Variants in FHAD1 observed in about 807,000 individuals in gnomAD.
The protein encoded by FHAD1 is forkhead-associated domain-containing protein 1.
A neutral mutation model predicts 191.3 loss-of-function variants in FHAD1; 146 were observed. That is an observed-to-expected ratio of 0.76 (90% CI 0.67 to 0.88). The LOEUF is 0.88. FHAD1 is among the 40% of genes least tolerant of loss of function. The pLI is 0.00. For synonymous variants in FHAD1, 616 were observed against 672.3 expected, an observed-to-expected ratio of 0.92 and a Z score of 1.29; for missense variants, 1,635 against 1,785.8, an observed-to-expected ratio of 0.92 and a Z score of 1.52.
In FHAD1 at chr1:15,398,184, G is replaced by A. The variant is rs1157187762; in HGVS notation, c.*771G>A. 6.6e-6 allele frequency: 1 copy of A among 150,450 alleles called. No homozygotes were observed. The highest frequency in any genetic ancestry group is 1.5e-5 in the Non-Finnish European group (1 of 67,832). The allele number at this position is 150,450 out of a possible 1,614,324, so 9.3% of individuals were successfully genotyped here. On this transcript the variant is annotated 3_prime_UTR_variant, in exon 34 of 34. Transcript: ENST00000688493. ...CCCAGCTACTCGGGAGGCTGAGACA[G>A]GAGAATCACTTCAACCCGGGAGGTG...
chr1:15,393,118 A>T (rs1704670800), intron 33 of FHAD1: 1 of 133,020 alleles, frequency 7.5e-6, no homozygotes, highest in Non-Finnish European at 1.5e-5. Context: ...TCTATTGCCC[A>T]GGCTAGAGTG....
At chr1:15,328,628 C>T (rs1247603019) in intron 13 of FHAD1, 199 bp downstream of exon 13, 8 of 441,764 alleles carry the variant, frequency 1.8e-5, no homozygotes, top group African/African-American at 4.0e-5. Flanking sequence ...GAGAACTTGG[C>T]GTGTCCAAAA....
intron 32 of FHAD1, chr1:15,388,380 A>T: frequency 1.1e-6 from 1 of 948,362 alleles, no homozygotes; most frequent in South Asian, 3.0e-5. Context: ...TGAACGGATG[A>T]CCTAAGAGAC....
chr1:15,284,792 G>T (rs1451733840), intron 3 of FHAD1, among the ~76,000 whole-genome samples: 1 of 152,150 alleles, frequency 6.6e-6, no homozygotes, highest in Non-Finnish European at 1.5e-5. Context: ...CGTGGGTGTG[G>T]TCCAGGTGGT....
chr1:15,278,425 C>A (rs901450514), intron 3 of FHAD1, among the ~76,000 whole-genome samples: 2 of 150,188 alleles, frequency 1.3e-5, no homozygotes, highest in African/African-American at 2.5e-5. Context: ...ACTTAGTTAA[C>A]TGAGGAATAG....
At chr1:15,278,972 G>C (rs10927762) in intron 3 of FHAD1, among the ~76,000 whole-genome samples, 1 of 151,838 alleles carries the variant, frequency 6.6e-6, no homozygotes, top group Non-Finnish European at 1.5e-5. Context: ...TTTTCCCTGG[G>C]ATAACTTTTG....
At chr1:15,256,937 A>G (rs2100896124) in intron 2 of FHAD1, among the ~76,000 whole-genome samples, 1 of 152,308 alleles carries the variant, frequency 6.6e-6, no homozygotes. Flanking sequence ...TCTCTATAGC[A>G]TGTCAGCTCC....
At chr1:15,353,036 A>C (rs1378640619) in intron 20 of FHAD1, 52 bp downstream of exon 20, 1 of 1,321,666 alleles carries the variant, frequency 7.6e-7, no homozygotes, top group South Asian at 1.3e-5. Flanking sequence ...AGCGAAGGGC[A>C]GTGCTCTAGA....
chr1:15,242,675 C>T (rs1048668870), upstream of FHAD1, among the ~76,000 whole-genome samples: 2 of 152,104 alleles, frequency 1.3e-5, no homozygotes, highest in African/African-American at 4.8e-5. Flanking sequence ...CTCAGAGCAG[C>T]CGGCCAGATA....
At position 15,392,334 on chromosome 1, in the gene FHAD1, C is replaced by A. The variant is rs1247144113; in HGVS notation, c.4323+1071C>A. ...GATCACGAGGTCAGGAGATCGAGAC[C>A]ATCCTGGCTAACACGGTGAAACCCC... On this transcript the variant is annotated intron_variant, in intron 33 of 33. Transcript: ENST00000688493. 3.9e-5 allele frequency among the ~76,000 whole-genome samples: 6 copies of A among 152,270 alleles called. No homozygotes were observed. In the East Asian group the frequency reaches 1.2e-3, roughly 29 times the overall value.
In FHAD1 at chr1:15,318,548, C is replaced by G. The variant is rs1442959087; in HGVS notation, c.1365+620C>G. 6.6e-6 allele frequency among the ~76,000 whole-genome samples: 1 copy of G among 152,026 alleles called. No homozygotes were observed. Among genetic ancestry groups the G allele is most frequent in the Non-Finnish European group, 1.5e-5 (1 of 67,996 alleles). On this transcript the variant is annotated intron_variant, in intron 10 of 33. Transcript: ENST00000688493. This position sits in a 1 kb window ranked among gnomAD's most constrained non-coding sequence, Gnocchi z 4.1. ...ACTCAGGAGGCTGAGGCAGGAGAAT[C>G]ACTTGAACCTGGGAGGTGGAGGTTG...
intron 8 of FHAD1, among the ~76,000 whole-genome samples, chr1:15,313,843 G>A (rs985021180): frequency 3.3e-5 from 5 of 152,068 alleles, no homozygotes; most frequent in African/African-American, 1.2e-4. Flanking sequence ...GGCCGAGGCT[G>A]GTGGATCACA....
At chr1:15,333,547 T>C (rs1386370260) in intron 14 of FHAD1, among the ~76,000 whole-genome samples, 2 of 152,146 alleles carry the variant, frequency 1.3e-5, no homozygotes, top group Non-Finnish European at 2.9e-5. Flanking sequence ...GGAAACTGGC[T>C]CAAAGCTGGT....
chr1:15,251,991 G>T lies in FHAD1; in HGVS notation c.93+114G>T, dbSNP rs536298956. 2.4e-5 allele frequency: 21 copies of T among 861,312 alleles called. No homozygotes were observed. The African/African-American group carries it at 3.4e-4, about 14-fold the overall frequency. 53.4% of individuals were successfully genotyped at this position (861,312 alleles called of 1,614,324 possible). On this transcript the variant is annotated intron_variant, in intron 2 of 33. Transcript: ENST00000688493. Reference sequence around the variant, plus strand: ...CTCTTGTACACCACAACCTGGGCAAGCAGCCATACCTTTCCTTGGTGTGCT... The same window carrying T: ...CTCTTGTACACCACAACCTGGGCAATCAGCCATACCTTTCCTTGGTGTGCT...
chr1:15,315,362 A>G (rs564261911), intron 8 of FHAD1: 31 of 152,302 alleles, frequency 2.0e-4, no homozygotes, highest in African/African-American at 7.2e-4. Flanking sequence ...TTTAAACTTT[A>G]AACAATTACT....
In FHAD1 at chr1:15,381,276, A is replaced by G; in HGVS notation, c.3847A>G (p.Asn1283Asp). The change falls in exon 30 of 34, where the codon AAT becomes GAT. Residue 1283 changes from asparagine to aspartate, a missense_variant. Physicochemically the swap from Asn to Asp is conservative, Grantham distance 23 (BLOSUM62 1). Transcript: ENST00000688493. The surrounding 1 kb of genome is among the most constrained non-coding windows in gnomAD (Gnocchi z 4.6). Reference protein sequence around the residue: ...KTLGSLMNIKNMSGHVSMKYL... With the variant: ...KTLGSLMNIKDMSGHVSMKYL... ...CCTCGGAAGTCTCATGAACATCAAG[A>G]ATATGTCAGGCCACGTGTCCATGAA... 6.4e-7 allele frequency: 1 copy of G among 1,551,678 alleles called. No homozygotes were observed. The highest frequency in any genetic ancestry group is 2.4e-5 in the East Asian group (1 of 40,920).
chr1:15,322,761 C>T (rs1676739237), intron 10 of FHAD1, among the ~76,000 whole-genome samples: 2 of 152,162 alleles, frequency 1.3e-5, no homozygotes, highest in Admixed American at 1.3e-4. Flanking sequence ...GAAGGATGTT[C>T]TGGAAGGAAA....
chr1:15,272,383 G>C lies in FHAD1; in HGVS notation c.154G>C (p.Val52Leu). ...ATATAACGAGGCGGAGTGCAGCTTT[G>C]TTCTCCAGGACTTCAATTCCCGCAA... ...IEYNEAECSF[V>L]LQDFNSRNGT... Residue 52 changes from valine to leucine, a missense_variant, in exon 3 of 34, where the codon GTT (valine) becomes CTT (leucine). Coordinates refer to ENST00000688493, the MANE Select transcript of FHAD1 (RefSeq NM_001391957.1). The C allele has an allele frequency of 1.3e-6, 2 of 1,551,722 alleles. No homozygotes were observed. Among genetic ancestry groups the C allele is most frequent in the Non-Finnish European group, 1.7e-6 (2 of 1,146,998 alleles).
chr1:15,275,747 A>G (rs1020503944), intron 3 of FHAD1, among the ~76,000 whole-genome samples: 2 of 151,832 alleles, frequency 1.3e-5, no homozygotes, highest in Non-Finnish European at 2.9e-5. Flanking sequence ...CAGTTTTTCT[A>G]AGAAATGTGT....
Sources: allele counts gnomAD v4.1 joint callset (sites outside exome capture counted in the v4.1 genomes callset), GRCh38; gene constraint gnomAD v4.1.1; non-coding constraint Gnocchi (gnomAD v3.1); transcripts MANE v1.5; gene names NCBI Gene and HGNC (gene_info 2026-07-23, HGNC 2026-07-21).